PPP1R9A: variants seen among roughly 807,000 people sequenced by gnomAD.
PPP1R9A encodes protein phosphatase 1 regulatory subunit 9A.
PPP1R9A carries 59 observed loss-of-function variants against 141.9 expected under a neutral mutation model. That is an observed-to-expected ratio of 0.42 (90% CI 0.34 to 0.52). PPP1R9A has a LOEUF of 0.52. Among genes scored for constraint, PPP1R9A ranks in the 20% least tolerant of loss-of-function variants. The pLI, the probability that PPP1R9A is intolerant of heterozygous loss-of-function variation, is 0.10. For missense variants in PPP1R9A, 1,444 were observed against 1,611.9 expected (o/e 0.90, Z 1.78); for synonymous variants, 500 against 569.7 (o/e 0.88, Z 1.74).
intron 8 of PPP1R9A, among the ~76,000 whole-genome samples, chr7:95,240,741 G>A (rs534203403): frequency 1.3e-4 from 19 of 151,516 alleles, no homozygotes; most frequent in East Asian, 1.2e-3. Flanking sequence ...ATTCTTTCTC[G>A]CTTTTCTTTA....
At position 95,225,981 on chromosome 7, in the gene PPP1R9A, TGAA is replaced by T. The variant is rs760635468; in HGVS notation, c.1986_1988del (p.Glu662del). On this transcript the variant is annotated inframe_deletion, in exon 8 of 20. Transcript: ENST00000433360. Reference sequence around the variant, plus strand: ...TTCAGACAGGAGAATATGCCACAGATGAAGAAGAAGATGAGGTAGGACCTGTCC... The same window carrying T: ...TTCAGACAGGAGAATATGCCACAGATGAAGAAGATGAGGTAGGACCTGTCC... The T allele has an allele frequency of 8.5e-5, 137 of 1,609,472 alleles. 3 individuals are homozygous for T. The East Asian group carries it at 8.9e-4, about 10-fold the overall frequency.
intron 5 of PPP1R9A, among the ~76,000 whole-genome samples, chr7:95,184,637 G>A (rs2152807893): frequency 6.6e-6 from 1 of 152,184 alleles, no homozygotes; most frequent in Non-Finnish European, 1.5e-5. Context: ...TTCCTCCCAA[G>A]TCCCCATAGT....
At chr7:94,990,499 A>G (rs900359510) in intron 2 of PPP1R9A, among the ~76,000 whole-genome samples, 9 of 152,074 alleles carry the variant, frequency 5.9e-5, no homozygotes, top group Admixed American at 1.3e-4. Flanking sequence ...ATGATGTTGC[A>G]TATCAGGGTA....
intron 2 of PPP1R9A, among the ~76,000 whole-genome samples, chr7:94,921,951 C>T (rs11971031): frequency 0.022 from 3,410 of 151,932 alleles, 128 homozygotes; most frequent in African/African-American, 0.078. Context: ...GGCAACAGAG[C>T]AAGACCCTGT....
chr7:95,014,644 C>A (rs535344086), intron 2 of PPP1R9A, among the ~76,000 whole-genome samples: 438 of 152,016 alleles, frequency 2.9e-3, no homozygotes, highest in Non-Finnish European at 4.9e-3. Context: ...ATATCTATTT[C>A]TCATCAAAGT....
chr7:95,082,044 G>A (rs896955610), intron 2 of PPP1R9A, among the ~76,000 whole-genome samples: 35 of 152,066 alleles, frequency 2.3e-4, no homozygotes, highest in African/African-American at 7.5e-4. Context: ...TGACCTGTGT[G>A]GTGATTGTCT....
At chr7:95,121,441 TTGTC>T (rs71125102) in intron 4 of PPP1R9A, among the ~76,000 whole-genome samples, 14,606 of 146,998 alleles carry the variant, frequency 0.099, 846 homozygotes, top group East Asian at 0.2. Flanking sequence ...CTCAAGCTAT[TTGTC>T]TGTCTGTCTG....
At chr7:94,990,757 G>A (rs1328671052) in intron 2 of PPP1R9A, among the ~76,000 whole-genome samples, 1 of 151,648 alleles carries the variant, frequency 6.6e-6, no homozygotes, top group East Asian at 1.9e-4. Context: ...ACTTCTATGA[G>A]ATCAACATTT....
intron 2 of PPP1R9A, among the ~76,000 whole-genome samples, chr7:94,944,861 A>T (rs941580101): frequency 1.8e-4 from 27 of 152,106 alleles, no homozygotes; most frequent in African/African-American, 6.5e-4. Context: ...GGATTAAAAA[A>T]AAATGAAATT....
At chr7:95,142,227 G>A (rs1826827411) in intron 4 of PPP1R9A, among the ~76,000 whole-genome samples, 1 of 151,972 alleles carries the variant, frequency 6.6e-6, no homozygotes, top group South Asian at 2.1e-4. Flanking sequence ...TTGAGTTAGA[G>A]TTTTTTATGA....
At chr7:95,217,804 A>G (rs1437674448) in intron 7 of PPP1R9A, among the ~76,000 whole-genome samples, 1 of 152,128 alleles carries the variant, frequency 6.6e-6, no homozygotes, top group African/African-American at 2.4e-5. Flanking sequence ...TTTCTGTGGG[A>G]TCAGTGGTGA....
intron 7 of PPP1R9A, among the ~76,000 whole-genome samples, chr7:95,221,895 C>G (rs2152943979): frequency 6.6e-6 from 1 of 152,130 alleles, no homozygotes; most frequent in Admixed American, 6.6e-5. Context: ...AAGAGGAAGA[C>G]TTGGCCCTGC....
At chr7:95,027,327 G>A (rs1479262731) in intron 2 of PPP1R9A, among the ~76,000 whole-genome samples, 1 of 152,158 alleles carries the variant, frequency 6.6e-6, no homozygotes, top group Admixed American at 6.5e-5. Context: ...GCTTCCCTTG[G>A]CTATGGGAGG....
At chr7:95,229,408 G>C (rs79319090) in intron 8 of PPP1R9A, among the ~76,000 whole-genome samples, 7,852 of 151,912 alleles carry the variant, frequency 0.052, 500 homozygotes, top group East Asian at 0.35. Context: ...AAATAGACTT[G>C]GTGCTGTTGT....
At chr7:95,192,704 G>T (rs186539276) in intron 5 of PPP1R9A, among the ~76,000 whole-genome samples, 58 of 152,136 alleles carry the variant, frequency 3.8e-4, no homozygotes, top group Admixed American at 1.7e-3. Flanking sequence ...GGTATTTATA[G>T]TTTGGTGGAT....
chr7:95,173,331 T>A (rs534281906), intron 5 of PPP1R9A, among the ~76,000 whole-genome samples: 1 of 152,004 alleles, frequency 6.6e-6, no homozygotes, highest in South Asian at 2.1e-4. Flanking sequence ...TTGGGCACAA[T>A]GTTCATTGTT....
rs748503389 is a variant in PPP1R9A at position 94,911,116 on chromosome 7, G to A, written c.1003G>A (p.Glu335Lys). The part of the protein sequence containing the change: ...CAESKAMPKS[E>K]IPSPQSQLLE... ...TGAAAGTAAGGCAATGCCAAAGTCCGAAATCCCTTCACCACAAAGCCAACT... is the reference window on the plus strand; with the variant it reads ...TGAAAGTAAGGCAATGCCAAAGTCCAAAATCCCTTCACCACAAAGCCAACT... The change falls in exon 2 of 20, where the codon GAA becomes AAA. Residue 335 changes from glutamate (E) to lysine (K), a missense_variant. This residue lies in a region of PPP1R9A where 490 missense variants were observed against 521.1 expected (regional missense o/e 0.94). Coordinates refer to ENST00000433360, the MANE Select transcript of PPP1R9A (RefSeq NM_001166160.2). The A allele has an allele frequency of 1.9e-5, 30 of 1,614,054 alleles. No individual in the cohort carries two copies. The highest frequency in any genetic ancestry group is 1.6e-4 in the Middle Eastern group (1 of 6,084).
chr7:95,204,226 A>C (rs1280255774), intron 7 of PPP1R9A, among the ~76,000 whole-genome samples: 1 of 151,962 alleles, frequency 6.6e-6, no homozygotes, highest in African/African-American at 2.4e-5. Flanking sequence ...AAATATCTAA[A>C]ATATCAAAAT....
chr7:95,146,414 A>G (rs1827622168), intron 4 of PPP1R9A, among the ~76,000 whole-genome samples: 1 of 152,164 alleles, frequency 6.6e-6, no homozygotes, highest in South Asian at 2.1e-4. Flanking sequence ...TCAGATGGAT[A>G]GATTGCAAAA....
Sources: gnomAD v4.1 joint callset for allele counts (sites outside exome capture counted in the v4.1 genomes callset) on GRCh38, gnomAD v4.1.1 for gene constraint, gnomAD v4.1.1 regional missense constraint, MANE v1.5 for transcripts, NCBI Gene and HGNC (gene_info 2026-07-23, HGNC 2026-07-21) for gene names.